RPS6KA1: variants seen among roughly 807,000 people sequenced by gnomAD.
RPS6KA1 encodes ribosomal protein S6 kinase A1, also known as ribosomal protein S6 kinase alpha-1.
A neutral mutation model predicts 91.3 loss-of-function variants in RPS6KA1; 48 were observed. That is an observed-to-expected ratio of 0.53 (90% CI 0.42 to 0.67). RPS6KA1 has a LOEUF of 0.67. RPS6KA1 is among the 30% of genes least tolerant of loss of function. RPS6KA1 has a pLI of 0.00. For synonymous variants in RPS6KA1, 359 were observed against 384.7 expected (o/e 0.93, Z 0.78); for missense variants, 719 against 960.5 (o/e 0.75, Z 3.32).
In RPS6KA1 at chr1:26,556,806, C is replaced by T. The variant is rs756151025; in HGVS notation, c.981+88C>T. On this transcript the variant is annotated intron_variant, in intron 12 of 21. Transcript: ENST00000374168. ...GTGGTGGGAGGGGAGCCTCTGCCAG[C>T]GAGGGCCCCAGACGCAGGAGCAGAG... 51 of 1,494,072 alleles carry T rather than the reference C, an allele frequency of 3.4e-5. No homozygotes were observed. The highest frequency in any genetic ancestry group is 1.4e-4 in the East Asian group (6 of 44,256). The allele number at this position is 1,494,072 out of a possible 1,614,324, so 92.6% of individuals were successfully genotyped here.
At chr1:26,532,937 C>A (rs1264503766) in intron 1 of RPS6KA1, among the ~76,000 whole-genome samples, 1 of 152,206 alleles carries the variant, frequency 6.6e-6, no homozygotes, top group Admixed American at 6.5e-5. Flanking sequence ...GTCCTTCATT[C>A]AGTACTCTGC....
intron 21 of RPS6KA1, 129 bp downstream of exon 21, chr1:26,573,490 GAC>G (rs2076268268): frequency 9.2e-7 from 1 of 1,090,342 alleles, no homozygotes. Flanking sequence ...AGGAGAAGAA[GAC>G]ACAGCCCTGC....
At position 26,554,120 on chromosome 1, in the gene RPS6KA1, C is replaced by T. The variant is rs989808998; in HGVS notation, c.576-94C>T. 5.9e-6 allele frequency: 8 copies of T among 1,364,808 alleles called. No individual in the cohort carries two copies. In the African/African-American group the frequency reaches 1.2e-4, roughly 20 times the overall value. The allele number at this position is 1,364,808 out of a possible 1,614,324, so 84.5% of individuals were successfully genotyped here. On this transcript the variant is annotated intron_variant, in intron 7 of 21. Transcript: ENST00000374168. This position sits in a 1 kb window ranked among gnomAD's most constrained non-coding sequence, Gnocchi z 4.6. ...CAGAGAGAATTGGGTGGAGCACCTC[C>T]TCTGGGCTGAACCCAACTCCCACAG...
intron 17 of RPS6KA1, among the ~76,000 whole-genome samples, chr1:26,566,840 C>G (rs775307145): frequency 6.6e-6 from 1 of 152,094 alleles, no homozygotes; most frequent in Admixed American, 6.6e-5. Flanking sequence ...GAGGGCTTCT[C>G]CCTTTAACCA....
chr1:26,554,189 C>T lies in RPS6KA1; in HGVS notation c.576-25C>T, dbSNP rs752192404. 1.1e-5 allele frequency: 17 copies of T among 1,551,896 alleles called. No individual in the cohort carries two copies. Among genetic ancestry groups the T allele is most frequent in the African/African-American group, 6.8e-5 (5 of 73,072 alleles). On this transcript the variant is annotated intron_variant, in intron 7 of 21. Transcript: ENST00000374168. This position sits in a 1 kb window ranked among gnomAD's most constrained non-coding sequence, Gnocchi z 4.6. The stretch of plus-strand genomic sequence containing the variant: ...ACCCACACGGCCACAGCTGAGGGGC[C>T]CTGACCACTATTTCTCTATTACAGC...
rs985399258 is a variant in RPS6KA1 at position 26,555,011 on chromosome 1, C to T, written c.757-140C>T. On this transcript the variant is annotated intron_variant, in intron 9 of 21. Coordinates refer to ENST00000374168, the MANE Select transcript of RPS6KA1 (RefSeq NM_002953.4). The surrounding 1 kb of genome is among the most constrained non-coding windows in gnomAD (Gnocchi z 4.3). ...GTCTGGTTGGCAGAGGCAAGAGGGA[C>T]GGGCATAATTCTTGCTCCAGGCTGA... 2.0e-5 allele frequency: 18 copies of T among 909,264 alleles called. No homozygotes were observed. In the East Asian group the frequency reaches 2.6e-4, roughly 13 times the overall value. The allele number at this position is 909,264 out of a possible 1,614,324, so 56.3% of individuals were successfully genotyped here.
chr1:26,532,907 C>G (rs570527663), intron 1 of RPS6KA1, among the ~76,000 whole-genome samples: 1 of 152,262 alleles, frequency 6.6e-6, no homozygotes, highest in African/African-American at 2.4e-5. Flanking sequence ...TCTAAGAGGC[C>G]AAAGGACTCC....
chr1:26,536,893 A>G (rs568731194), intron 1 of RPS6KA1, 32 bp from the exon 2 acceptor site: 1 of 1,613,164 alleles, frequency 6.2e-7, no homozygotes, highest in South Asian at 1.1e-5. Flanking sequence ...AAGTTCTGAC[A>G]GTGCTCCCCC....
intron 6 of RPS6KA1, 48 bp from the exon 7 acceptor site, chr1:26,553,343 C>G (rs746475218): frequency 7.3e-7 from 1 of 1,368,100 alleles, no homozygotes; most frequent in African/African-American, 1.4e-5. Context: ...TGCCCCAGCT[C>G]TTAAGGAAGA....
chr1:26,559,010 G>T, intron 14 of RPS6KA1, 73 bp downstream of exon 14: 3 of 1,547,700 alleles, frequency 1.9e-6, no homozygotes, highest in South Asian at 2.4e-5. Flanking sequence ...CTCTGAGTTG[G>T]ACAGAACCAG....
intron 13 of RPS6KA1, among the ~76,000 whole-genome samples, chr1:26,557,859 C>T (rs931674470): frequency 3.5e-5 from 5 of 141,736 alleles, no homozygotes; most frequent in Admixed American, 7.4e-5. Context: ...GATGGAGTCT[C>T]GCTCTGTTGC....
At chr1:26,573,950 A>AT in intron 21 of RPS6KA1, 129 bp from the exon 22 acceptor site, 1 of 1,074,726 alleles carries the variant, frequency 9.3e-7, no homozygotes, top group Non-Finnish European at 1.3e-6. Flanking sequence ...AAAAAAAAAA[A>AT]CAACAAAAAC....
intron 13 of RPS6KA1, among the ~76,000 whole-genome samples, chr1:26,557,953 C>T (rs1433928192): frequency 2.6e-5 from 4 of 151,730 alleles, no homozygotes; most frequent in Non-Finnish European, 5.9e-5. Flanking sequence ...CTCAGCCTCC[C>T]GAGTAGCTGG....
At chr1:26,541,376 G>A (rs2075946516) in intron 2 of RPS6KA1, among the ~76,000 whole-genome samples, 1 of 151,954 alleles carries the variant, frequency 6.6e-6, no homozygotes, top group Non-Finnish European at 1.5e-5. Context: ...GCAACATGAT[G>A]AAACCCTGTC....
chr1:26,552,898 T>G (rs1240553224), intron 6 of RPS6KA1: 3 of 366,128 alleles, frequency 8.2e-6, no homozygotes, highest in Non-Finnish European at 1.6e-5. Flanking sequence ...CATCTATAGG[T>G]AAACATTTTT....
chr1:26,548,954 G>A (rs1215867061), intron 4 of RPS6KA1, among the ~76,000 whole-genome samples: 1 of 151,756 alleles, frequency 6.6e-6, no homozygotes, highest in African/African-American at 2.4e-5. Context: ...AAGGTGTGTT[G>A]GAAGGCAGCT....
At chr1:26,532,538 T>C (rs959591593) in intron 1 of RPS6KA1, among the ~76,000 whole-genome samples, 14 of 152,256 alleles carry the variant, frequency 9.2e-5, no homozygotes, top group Non-Finnish European at 1.6e-4. Flanking sequence ...GGACTCTCCT[T>C]ATCCTGCAAG....
At chr1:26,533,088 T>G (rs2075879454) in intron 1 of RPS6KA1, among the ~76,000 whole-genome samples, 1 of 152,088 alleles carries the variant, frequency 6.6e-6, no homozygotes, top group Non-Finnish European at 1.5e-5. Context: ...TTATTACTAT[T>G]ATTATTTTTT....
At chr1:26,548,689 C>T (rs1283149979) in intron 4 of RPS6KA1, among the ~76,000 whole-genome samples, 1 of 151,812 alleles carries the variant, frequency 6.6e-6, no homozygotes, top group Non-Finnish European at 1.5e-5. Flanking sequence ...GTCCCAGCTA[C>T]TCAGGAGGTT....
Sources: gnomAD v4.1 joint callset for allele counts (sites outside exome capture counted in the v4.1 genomes callset) on GRCh38, gnomAD v4.1.1 for gene constraint, Gnocchi (gnomAD v3.1) non-coding constraint, MANE v1.5 for transcripts, NCBI Gene and HGNC (gene_info 2026-07-23, HGNC 2026-07-21) for gene names.